Variants in DSCAML1 observed in about 807,000 individuals in gnomAD.
DSCAML1 encodes the protein cell adhesion molecule DSCAML1.
In DSCAML1, 38 loss-of-function variants were observed where a neutral mutation model predicts 200.5. The observed-to-expected ratio is 0.19, with a 90% confidence interval of 0.15 to 0.25. The LOEUF is 0.25. DSCAML1 is among the 10% of genes least tolerant of loss of function. DSCAML1 has a pLI of 1.00. For synonymous variants in DSCAML1, 1,215 were observed against 1,165.0 expected (o/e 1.04, Z -0.87); for missense variants, 2,223 against 2,858.8 (o/e 0.78, Z 5.07).
chr11:117,664,045 G>T (rs1329987064), intron 3 of DSCAML1, among the ~76,000 whole-genome samples: 1 of 152,242 alleles, frequency 6.6e-6, no homozygotes, highest in African/African-American at 2.4e-5. Context: ...AAATGCCGTG[G>T]CTCCCAGCAG....
chr11:117,442,716 G>A (rs1315138049), intron 21 of DSCAML1, among the ~76,000 whole-genome samples: 1 of 152,226 alleles, frequency 6.6e-6, no homozygotes, highest in African/African-American at 2.4e-5. Flanking sequence ...GCCAGTGCTA[G>A]CTGTTCTGGA....
At position 117,438,070 on chromosome 11, in the gene DSCAML1, C is replaced by A; in HGVS notation, c.4257G>T (p.Gln1419His). Residue 1419 changes from glutamine to histidine, a missense_variant, in exon 25 of 33, where the codon CAG (glutamine) becomes CAT (histidine). Coordinates refer to ENST00000651296, the MANE Select transcript of DSCAML1 (RefSeq NM_020693.4). ...GGSSIRGFVL[Q>H]YSVDNSEEWK... ...ACTCCTCGCTGTTGTCCACCGAGTA[C>A]TGTAGCACGAAGCCTGCGGAGGGTA... The A allele has an allele frequency of 6.2e-7, 1 of 1,612,470 alleles. No homozygotes were observed. The highest frequency in any genetic ancestry group is 1.7e-5 in the Admixed American group (1 of 59,932).
At chr11:117,438,285 A>G (rs550188976) in intron 24 of DSCAML1, among the ~76,000 whole-genome samples, 2 of 147,348 alleles carry the variant, frequency 1.4e-5, no homozygotes, top group African/African-American at 5.1e-5. Context: ...CAACCAATCA[A>G]CAAAACACTG....
Position 117,429,334 on chromosome 11 carries a change from C to T in DSCAML1, c.5687-531G>A, listed in dbSNP as rs530047392. ...TTCCCCTCTTTCCCATGGCAGCCTTCCAGATGTTTGAAGTCAGCTACATGT... is the reference window on the plus strand; with the variant it reads ...TTCCCCTCTTTCCCATGGCAGCCTTTCAGATGTTTGAAGTCAGCTACATGT... On this transcript the variant is annotated intron_variant, in intron 32 of 32. Coordinates refer to ENST00000651296, the MANE Select transcript of DSCAML1 (RefSeq NM_020693.4). Among the ~76,000 whole-genome samples the T allele has an allele frequency of 6.6e-5, 10 of 152,342 alleles. No individual in the cohort carries two copies. In the South Asian group the frequency reaches 2.1e-3, roughly 32 times the overall value.
intron 3 of DSCAML1, among the ~76,000 whole-genome samples, chr11:117,650,334 T>C (rs1427238841): frequency 6.6e-6 from 1 of 152,106 alleles, no homozygotes; most frequent in Non-Finnish European, 1.5e-5. Flanking sequence ...CTGAAGAGGA[T>C]AGGGCCCGGG....
intron 3 of DSCAML1, among the ~76,000 whole-genome samples, chr11:117,662,345 G>A (rs1250402785): frequency 6.6e-6 from 1 of 152,230 alleles, no homozygotes; most frequent in Non-Finnish European, 1.5e-5. Context: ...GAGATTTCAA[G>A]GTAGCATGAC....
At chr11:117,793,419 TC>T (rs2055512852) in intron 1 of DSCAML1, among the ~76,000 whole-genome samples, 1 of 152,050 alleles carries the variant, frequency 6.6e-6, no homozygotes, top group Non-Finnish European at 1.5e-5. Context: ...GCATCTGCCC[TC>T]CCCTCTCTTC....
intron 3 of DSCAML1, among the ~76,000 whole-genome samples, chr11:117,616,484 A>G (rs1196152082): frequency 6.6e-6 from 1 of 152,210 alleles, no homozygotes; most frequent in Admixed American, 6.5e-5. Flanking sequence ...AATATAGCAC[A>G]GTGTGTTTTT....
At chr11:117,563,722 T>C (rs917180765) in intron 3 of DSCAML1, among the ~76,000 whole-genome samples, 1 of 152,042 alleles carries the variant, frequency 6.6e-6, no homozygotes, top group Non-Finnish European at 1.5e-5. Context: ...CAAAGCGGAA[T>C]TGATTGAGAA....
At chr11:117,558,888 A>T (rs1270106308) in intron 3 of DSCAML1, among the ~76,000 whole-genome samples, 1 of 152,170 alleles carries the variant, frequency 6.6e-6, no homozygotes, top group Non-Finnish European at 1.5e-5. Flanking sequence ...TACAGATAAC[A>T]CCAGTAGTTT....
At chr11:117,769,130 GTATATTA>G (rs1235095642) in intron 3 of DSCAML1, among the ~76,000 whole-genome samples, 5 of 115,262 alleles carry the variant, frequency 4.3e-5, no homozygotes, top group African/African-American at 1.3e-4. Flanking sequence ...TATATATTAT[GTATATTA>G]TATATTATAT....
At chr11:117,542,119 G>A (rs2050280348) in intron 3 of DSCAML1, among the ~76,000 whole-genome samples, 1 of 152,052 alleles carries the variant, frequency 6.6e-6, no homozygotes, top group Admixed American at 6.6e-5. Flanking sequence ...AGACCAGCCT[G>A]GGCAACATGG....
intron 3 of DSCAML1, chr11:117,709,794 A>G (rs655086): frequency 0.93 from 422,010 of 453,984 alleles, 197,546 homozygotes; most frequent in Non-Finnish European, 0.97. Context: ...GCGGCTGTGA[A>G]AAAGAATGGA....
intron 3 of DSCAML1, among the ~76,000 whole-genome samples, chr11:117,593,441 A>G (rs1056627162): frequency 7.9e-5 from 12 of 152,208 alleles, no homozygotes; most frequent in Non-Finnish European, 4.4e-5. Context: ...TGACAAATGA[A>G]ATGTGAGAAC....
intron 3 of DSCAML1, among the ~76,000 whole-genome samples, chr11:117,555,920 G>A (rs1426729353): frequency 2.0e-5 from 3 of 151,636 alleles, no homozygotes; most frequent in African/African-American, 4.8e-5. Flanking sequence ...AAGCCAGGGG[G>A]GAGCTTATTC....
chr11:117,650,299 G>A (rs1030240806), intron 3 of DSCAML1, among the ~76,000 whole-genome samples: 7 of 152,196 alleles, frequency 4.6e-5, no homozygotes, highest in Admixed American at 6.5e-5. Context: ...ACTGCCTCGT[G>A]TCAAAGGCTT....
At chr11:117,550,666 C>G (rs2137390723) in intron 3 of DSCAML1, among the ~76,000 whole-genome samples, 1 of 152,360 alleles carries the variant, frequency 6.6e-6, no homozygotes, top group East Asian at 1.9e-4. Context: ...CGCACTGCCT[C>G]CCCACCTTGG....
intron 1 of DSCAML1, among the ~76,000 whole-genome samples, chr11:117,814,746 G>T (rs953495587): frequency 2.0e-5 from 3 of 152,168 alleles, no homozygotes; most frequent in Non-Finnish European, 4.4e-5. Context: ...AGGTGCCCAG[G>T]GTGCTAGAGA....
intron 3 of DSCAML1, among the ~76,000 whole-genome samples, chr11:117,570,850 G>A (rs1466475612): frequency 6.6e-6 from 1 of 152,234 alleles, no homozygotes; most frequent in African/African-American, 2.4e-5. Context: ...CACTGGCCAC[G>A]GCAGCTGGAA....
Sources: gnomAD v4.1 joint callset for allele counts (sites outside exome capture counted in the v4.1 genomes callset) on GRCh38, gnomAD v4.1.1 for gene constraint, MANE v1.5 for transcripts, NCBI Gene and HGNC (gene_info 2026-07-23, HGNC 2026-07-21) for gene names.